The following DIP2B variants were observed in gnomAD, a reference collection of about 807,000 sequenced individuals.
DIP2B encodes the protein disco-interacting protein 2 homolog B.
DIP2B carries 76 observed loss-of-function variants against 198.0 expected under a neutral mutation model. The ratio of observed to expected loss-of-function variants is 0.38; its 90% CI spans 0.32 to 0.46. The LOEUF is 0.46. Among genes scored for constraint, DIP2B ranks in the 20% least tolerant of loss-of-function variants. The pLI is 0.99. For missense variants in DIP2B, 1,559 were observed against 1,978.4 expected, an observed-to-expected ratio of 0.79 and a Z score of 4.02; for synonymous variants, 701 against 739.1, an observed-to-expected ratio of 0.95 and a Z score of 0.84.
intron 1 of DIP2B, among the ~76,000 whole-genome samples, chr12:50,564,217 C>G (rs1174433791): frequency 6.6e-6 from 1 of 152,030 alleles, no homozygotes; most frequent in East Asian, 1.9e-4. Context: ...ATACCTAGTT[C>G]TTTGTTTCTA....
intron 3 of DIP2B, among the ~76,000 whole-genome samples, chr12:50,658,956 G>A (rs1322213697): frequency 1.3e-5 from 2 of 152,240 alleles, no homozygotes; most frequent in South Asian, 2.1e-4. Flanking sequence ...GCGTGGTGGC[G>A]TGTACCTGTA....
chr12:50,620,757 A>G (rs1450959238), intron 1 of DIP2B, among the ~76,000 whole-genome samples: 1 of 152,224 alleles, frequency 6.6e-6, no homozygotes, highest in Non-Finnish European at 1.5e-5. Flanking sequence ...GTTCTGAGTA[A>G]GAAAGCCTGT....
chr12:50,543,485 C>T (rs563443743), intron 1 of DIP2B, among the ~76,000 whole-genome samples: 1 of 151,966 alleles, frequency 6.6e-6, no homozygotes, highest in East Asian at 2.0e-4. Context: ...GAAGGGGTTT[C>T]GTCATGTTGG....
At chr12:50,542,899 A>G (rs1425971869) in intron 1 of DIP2B, among the ~76,000 whole-genome samples, 2 of 151,982 alleles carry the variant, frequency 1.3e-5, no homozygotes, top group Non-Finnish European at 2.9e-5. Context: ...ACAAGGTCTC[A>G]TTGTGTTGCC....
chr12:50,519,937 A>G (rs944520326), intron 1 of DIP2B, among the ~76,000 whole-genome samples: 9 of 147,798 alleles, frequency 6.1e-5, no homozygotes, highest in Non-Finnish European at 1.3e-4. Context: ...TTAAGATCAT[A>G]TTGTTGTAAG....
intron 2 of DIP2B, among the ~76,000 whole-genome samples, chr12:50,633,759 C>T (rs1938107270): frequency 6.6e-6 from 1 of 152,138 alleles, no homozygotes; most frequent in South Asian, 2.1e-4. Flanking sequence ...GAGCGAGACC[C>T]TGTCTCCAAA....
intron 2 of DIP2B, among the ~76,000 whole-genome samples, chr12:50,639,116 G>A (rs1418521707): frequency 2.8e-5 from 4 of 143,894 alleles, no homozygotes; most frequent in African/African-American, 7.8e-5. Context: ...TTGAGACAGA[G>A]TCTTGCTCTG....
chr12:50,510,196 CA>C (rs1013404102), intron 1 of DIP2B, among the ~76,000 whole-genome samples: 4 of 151,664 alleles, frequency 2.6e-5, no homozygotes, highest in African/African-American at 4.8e-5. Flanking sequence ...TTGTGATTGT[CA>C]AAAAAAATCA....
intron 18 of DIP2B, among the ~76,000 whole-genome samples, 181 bp from the exon 19 acceptor site, chr12:50,698,885 A>C (rs188325518): frequency 6.6e-6 from 1 of 152,204 alleles, no homozygotes; most frequent in Non-Finnish European, 1.5e-5. Flanking sequence ...CTGTCTCTAC[A>C]AGCTTTACAT....
chr12:50,706,947 C>G (rs1939524597), intron 21 of DIP2B, among the ~76,000 whole-genome samples: 1 of 152,144 alleles, frequency 6.6e-6, no homozygotes, highest in Non-Finnish European at 1.5e-5. Flanking sequence ...ATCCTGAGGA[C>G]TGAGGAGAAT....
intron 1 of DIP2B, among the ~76,000 whole-genome samples, chr12:50,526,096 G>C (rs1268344949): frequency 6.6e-6 from 1 of 152,114 alleles, no homozygotes; most frequent in Non-Finnish European, 1.5e-5. Flanking sequence ...CTTGTTCCCT[G>C]CTGTCTCTCT....
chr12:50,683,363 A>G, intron 10 of DIP2B, 115 bp downstream of exon 10: 1 of 753,548 alleles, frequency 1.3e-6, no homozygotes, highest in East Asian at 2.8e-5. Context: ...GGAAGTACTC[A>G]GCTTCACTTT....
intron 22 of DIP2B, among the ~76,000 whole-genome samples, chr12:50,714,085 G>A (rs922696401): frequency 1.3e-5 from 2 of 152,190 alleles, no homozygotes; most frequent in African/African-American, 4.8e-5. Context: ...GACAGAATGA[G>A]ACCCTGTCTC....
At chr12:50,698,963 A>G in intron 18 of DIP2B, 103 bp from the exon 19 acceptor site, 1 of 1,320,330 alleles carries the variant, frequency 7.6e-7, no homozygotes, top group South Asian at 1.4e-5. Context: ...ACTTAATGCC[A>G]CTCAGTAAAG....
chr12:50,581,895 T>C (rs1958727526), intron 1 of DIP2B, among the ~76,000 whole-genome samples: 1 of 152,220 alleles, frequency 6.6e-6, no homozygotes, highest in African/African-American at 2.4e-5. Flanking sequence ...TCTTTTACTT[T>C]TTTCTTTTTT....
At chr12:50,630,663 C>CTTTTTTTTTTTTTTTTTTTTTTTTTTT (rs11327858) in intron 2 of DIP2B, among the ~76,000 whole-genome samples, 2 of 74,568 alleles carry the variant, frequency 2.7e-5, no homozygotes, top group African/African-American at 4.9e-5. Flanking sequence ...TCTTTCTTTT[C>CTTTTTTTTTTTTTTTTTTTTTTTTTTT]TTTTTTTTTT....
chr12:50,704,319 C>A, intron 20 of DIP2B, 99 bp downstream of exon 20: 2 of 1,100,020 alleles, frequency 1.8e-6, no homozygotes, highest in Non-Finnish European at 2.6e-6. Flanking sequence ...AAGAGTGTTA[C>A]AGAACCACTT....
intron 1 of DIP2B, among the ~76,000 whole-genome samples, chr12:50,608,738 G>A (rs1464583608): frequency 6.6e-6 from 1 of 152,130 alleles, no homozygotes; most frequent in Non-Finnish European, 1.5e-5. Context: ...TTTTACATTA[G>A]TTTAAAAGTT....
At chr12:50,720,911 C>T (rs577280195) in intron 25 of DIP2B, among the ~76,000 whole-genome samples, 1 of 152,296 alleles carries the variant, frequency 6.6e-6, no homozygotes, top group South Asian at 2.1e-4. Context: ...AGTGATCCTT[C>T]CACTTCTGCC....
Sources: allele counts gnomAD v4.1 joint callset (sites outside exome capture counted in the v4.1 genomes callset), GRCh38; gene constraint gnomAD v4.1.1; transcripts MANE v1.5; gene names NCBI Gene and HGNC (gene_info 2026-07-23, HGNC 2026-07-21).